SMG1: variants seen among roughly 807,000 people sequenced by gnomAD.
SMG1 encodes the protein serine/threonine-protein kinase SMG1.
In SMG1, 22 loss-of-function variants were observed where a neutral mutation model predicts 419.9. That is an observed-to-expected ratio of 0.05 (90% CI 0.04 to 0.07). SMG1 has a LOEUF of 0.07. Ranked by LOEUF, SMG1 falls within the 10% of genes least tolerant of loss-of-function variation. SMG1 has a pLI of 1.00. For synonymous variants in SMG1, 1,538 were observed against 1,553.5 expected, an observed-to-expected ratio of 0.99 and a Z score of 0.23; for missense variants, 3,185 against 4,342.0, an observed-to-expected ratio of 0.73 and a Z score of 7.49.
Position 18,838,344 on chromosome 16 carries a change from G to A in SMG1, c.7194+13C>T, listed in dbSNP as rs1567343979. On this transcript the variant is annotated intron_variant, in intron 44 of 62. Transcript: ENST00000446231. ...AACAAATACACTAAAAGGGAGAAGA[G>A]AAAACAGCATACCTGCTCACATGAA... 1 of 1,605,410 alleles carries A rather than the reference G, an allele frequency of 6.2e-7. No individual in the cohort carries two copies. Among genetic ancestry groups the A allele is most frequent in the Admixed American group, 1.7e-5 (1 of 58,894 alleles).
intron 1 of SMG1, among the ~76,000 whole-genome samples, chr16:18,914,109 T>G (rs1195725713): frequency 2.0e-5 from 3 of 150,894 alleles, no homozygotes; most frequent in African/African-American, 7.3e-5. Flanking sequence ...AGAGGTTGCG[T>G]GAGCCTAGAT....
At position 18,866,603 on chromosome 16, in the gene SMG1, T is replaced by G. The variant is rs761211083; in HGVS notation, c.3350+18A>C. On this transcript the variant is annotated intron_variant, in intron 23 of 62. Transcript: ENST00000446231. Reference sequence around the variant, plus strand: ...ACATAAAGTAATTCTATCACCCATTTCCTTCCCTCCAACCTACCTCCCTTC... The same window carrying G: ...ACATAAAGTAATTCTATCACCCATTGCCTTCCCTCCAACCTACCTCCCTTC... 6.3e-7 allele frequency: 1 copy of G among 1,580,554 alleles called. No homozygotes were observed. The highest frequency in any genetic ancestry group is 8.6e-7 in the Non-Finnish European group (1 of 1,164,316).
chr16:18,895,083 C>A (rs1477453998), intron 3 of SMG1, among the ~76,000 whole-genome samples: 1 of 152,146 alleles, frequency 6.6e-6, no homozygotes, highest in African/African-American at 2.4e-5. Context: ...TCCCAAAGTG[C>A]TGGGATTACA....
chr16:18,845,781 A>T, intron 38 of SMG1, 130 bp from the exon 39 acceptor site: 1 of 557,546 alleles, frequency 1.8e-6, no homozygotes, highest in Non-Finnish European at 3.1e-6. Flanking sequence ...TAAAGCAATA[A>T]CATATTCACA....
chr16:18,866,803 A>G lies in SMG1; in HGVS notation c.3196-28T>C, dbSNP rs372368745. ...GAAAACGCATTCAGAAAAATTAGTC[A>G]CCCAATACCATTAAAACATAAATCC... On this transcript the variant is annotated intron_variant, in intron 22 of 62. Coordinates refer to ENST00000446231, the MANE Select transcript of SMG1 (RefSeq NM_015092.5). The G allele has an allele frequency of 5.0e-6, 8 of 1,584,386 alleles. No individual in the cohort carries two copies. In the African/African-American group the frequency reaches 8.0e-5, roughly 16 times the overall value.
intron 1 of SMG1, among the ~76,000 whole-genome samples, chr16:18,919,991 T>C (rs1234188910): frequency 2.0e-5 from 3 of 151,714 alleles, no homozygotes; most frequent in Non-Finnish European, 2.9e-5. Flanking sequence ...CTCGGGAGGC[T>C]GAGGCACGTG....
chr16:18,836,264 T>C, intron 47 of SMG1, 52 bp from the exon 48 acceptor site: 8 of 1,593,062 alleles, frequency 5.0e-6, no homozygotes, highest in Non-Finnish European at 6.9e-6. Flanking sequence ...AAGTCAGCTG[T>C]CACTAAAAGC....
intron 41 of SMG1, 136 bp from the exon 42 acceptor site, chr16:18,840,082 G>T (rs753791188): frequency 1.5e-6 from 1 of 680,120 alleles, no homozygotes; most frequent in Non-Finnish European, 2.5e-6. Context: ...TAAATTTCAT[G>T]TATTAATACA....
At chr16:18,874,809 T>C (rs1596568941) in intron 13 of SMG1, among the ~76,000 whole-genome samples, 1 of 117,274 alleles carries the variant, frequency 8.5e-6, no homozygotes, top group East Asian at 2.9e-4. Context: ...GAGGTGGCAG[T>C]GAGCCGAGAT....
At chr16:18,877,031 A>C (rs2036167513) in intron 12 of SMG1, 100 bp downstream of exon 12, 1 of 808,336 alleles carries the variant, frequency 1.2e-6, no homozygotes, top group Non-Finnish European at 2.0e-6. Context: ...CAAACATTTC[A>C]CATTTCACTC....
At chr16:18,858,500 G>A in intron 28 of SMG1, 1 of 339,904 alleles carries the variant, frequency 2.9e-6, no homozygotes, top group East Asian at 4.9e-5. Context: ...TTGTTTTGAA[G>A]GGAAATCTTC....
Position 18,848,033 on chromosome 16 carries a change from C to T in SMG1, c.5624G>A (p.Gly1875Glu). The change falls in exon 37 of 63, where the codon GGA (glycine) becomes GAA (glutamate). Residue 1875 changes from glycine (G) to glutamate (E), a missense_variant and splice_region_variant. This residue lies in a region of SMG1 where 130 missense variants were observed against 162.0 expected (regional missense o/e 0.80). Transcript: ENST00000446231. ...TGGAATTGCAGTGGAAAATTTATTT[C>T]CTGTAATGAAATAGGAGAACAAGGA... is the stretch of plus-strand genomic sequence containing the variant. ...ISLSSESQASGNKFSTAIPTL... is the reference protein window; with the variant it reads ...ISLSSESQASENKFSTAIPTL... 6.2e-6 allele frequency: 10 copies of T among 1,610,632 alleles called. No homozygotes were observed. Among genetic ancestry groups the T allele is most frequent in the Non-Finnish European group, 8.5e-6 (10 of 1,177,164 alleles).
intron 1 of SMG1, among the ~76,000 whole-genome samples, chr16:18,901,838 G>C (rs1010750911): frequency 6.6e-6 from 1 of 151,744 alleles, no homozygotes; most frequent in African/African-American, 2.4e-5. Context: ...GCCAGGCATG[G>C]TGACGGGCAC....
intron 55 of SMG1, among the ~76,000 whole-genome samples, chr16:18,821,217 G>GTTTTTTTTTTTTTTTT (rs2032501770): frequency 3.2e-5 from 1 of 31,736 alleles, no homozygotes; most frequent in African/African-American, 1.1e-4. Flanking sequence ...TATTTAGTAT[G>GTTTTTTTTTTTTTTTT]TTTCTTTTTT....
intron 35 of SMG1, 51 bp downstream of exon 35, chr16:18,849,898 T>C (rs2034494008): frequency 2.6e-6 from 4 of 1,541,196 alleles, no homozygotes; most frequent in East Asian, 4.5e-5. Flanking sequence ...TGAAATCTTA[T>C]ATATCCTAGT....
chr16:18,904,343 A>T (rs1029421012), intron 1 of SMG1, among the ~76,000 whole-genome samples: 71 of 151,664 alleles, frequency 4.7e-4, no homozygotes, highest in Non-Finnish European at 1.3e-4. Flanking sequence ...AAAAACAAAA[A>T]ACAAAAAATG....
At chr16:18,905,217 C>T (rs929712708) in intron 1 of SMG1, among the ~76,000 whole-genome samples, 9 of 152,234 alleles carry the variant, frequency 5.9e-5, no homozygotes, top group East Asian at 3.9e-4. Flanking sequence ...GCTGAGGTCG[C>T]GCCATTGCAC....
Position 18,838,131 on chromosome 16 carries a change from C to A in SMG1, c.7296G>T (p.Gly2432=). ...LVDWTAGGEA[G]FAGAVYGGGG... is the part of the protein sequence containing the mutation. The stretch of plus-strand genomic sequence containing the variant: ...CTCCACCATAGACAGCACCAGCAAA[C>A]CCAGCCTCGCCTCCTGCTGTCCAGT... The change falls in exon 45 of 63, where the codon GGG becomes GGT. Residue 2432 remains glycine (G), a synonymous_variant. Transcript: ENST00000446231. The A allele has an allele frequency of 6.2e-7, 1 of 1,613,896 alleles. No individual in the cohort carries two copies. The highest frequency in any genetic ancestry group is 8.5e-7 in the Non-Finnish European group (1 of 1,179,856).
intron 51 of SMG1, among the ~76,000 whole-genome samples, chr16:18,831,398 C>T (rs188825687): frequency 6.6e-6 from 1 of 152,140 alleles, no homozygotes; most frequent in East Asian, 1.9e-4. Context: ...GTTTGTTACC[C>T]AAAGTACACA....
Sources: gnomAD v4.1 joint callset for allele counts (sites outside exome capture counted in the v4.1 genomes callset) on GRCh38, gnomAD v4.1.1 for gene constraint, gnomAD v4.1.1 regional missense constraint, MANE v1.5 for transcripts, NCBI Gene and HGNC (gene_info 2026-07-23, HGNC 2026-07-21) for gene names.